Variants in MBNL3 observed in about 807,000 individuals in gnomAD.
MBNL3 encodes muscleblind-like protein 3.
Under a neutral mutation model 24.5 loss-of-function variants are expected in MBNL3, and 6 were observed. The ratio of observed to expected loss-of-function variants is 0.25; its 90% CI spans 0.13 to 0.48. The LOEUF is 0.48. MBNL3 is among the 20% of genes least tolerant of loss of function. The pLI is 0.99. For synonymous variants in MBNL3, 100 were observed against 101.7 expected, an observed-to-expected ratio of 0.98 and a Z score of 0.10; for missense variants, 230 against 293.5, an observed-to-expected ratio of 0.78 and a Z score of 1.58.
chrX:132,440,834 T>A (rs762953130), intron 1 of MBNL3, among the ~76,000 whole-genome samples: 1 of 112,889 alleles, frequency 8.9e-6, no homozygotes, highest in South Asian at 3.6e-4. Context: ...AAAGGTTAAT[T>A]TATTGGCATA....
chrX:132,444,107 G>A (rs1945565941), intron 1 of MBNL3, among the ~76,000 whole-genome samples: 1 of 106,706 alleles, frequency 9.4e-6, no homozygotes, highest in Admixed American at 1.0e-4. Context: ...TCCCTTATTA[G>A]ATTTAAACTG....
intron 3 of MBNL3, 95 bp from the exon 4 acceptor site, chrX:132,392,429 A>G: frequency 1.5e-6 from 1 of 672,365 alleles, no homozygotes; most frequent in Non-Finnish European, 2.1e-6. Context: ...AAAATTACTT[A>G]TGCCACATCA....
In MBNL3 at chrX:132,406,281, T is replaced by A; in HGVS notation, c.289A>T (p.Met97Leu). 1 of 1,211,893 alleles carries A rather than the reference T, an allele frequency of 8.3e-7. No individual in the cohort carries two copies. Residue 97 changes from methionine to leucine, a missense_variant, in exon 3 of 9, where the codon ATG (methionine) becomes TTG (leucine). By Grantham distance (15) the Met-to-Leu change is conservative (BLOSUM62 2). Coordinates refer to ENST00000370853, the MANE Select transcript of MBNL3 (RefSeq NM_001386889.1). Reference sequence around the variant, plus strand: ...ATAAGCTGCATCTGCTGGGCGAACATGGCTGCGGCAGTCTTCTGTTGAATC... The same window carrying A: ...ATAAGCTGCATCTGCTGGGCGAACAAGGCTGCGGCAGTCTTCTGTTGAATC... ...NLIQQKTAAAMFAQQMQLMLQ... is the reference protein window; with the variant it reads ...NLIQQKTAAALFAQQMQLMLQ...
chrX:132,396,509 T>C (rs1359029396), intron 3 of MBNL3, among the ~76,000 whole-genome samples: 2 of 65,269 alleles, frequency 3.1e-5, no homozygotes, highest in Non-Finnish European at 4.9e-5. Flanking sequence ...CCTATATATA[T>C]TCATATATAT....
intron 5 of MBNL3, among the ~76,000 whole-genome samples, chrX:132,390,261 ACAAC>A (rs1936917180): frequency 1.9e-5 from 1 of 53,284 alleles, no homozygotes; most frequent in African/African-American, 8.3e-5. Context: ...AACAACAACA[ACAAC>A]AAAAAAAAAA....
chrX:132,374,203 G>C lies in MBNL3; in HGVS notation c.*5463C>G, dbSNP rs906284290. 9.0e-6 allele frequency: 1 copy of C among 111,167 alleles called. No individual in the cohort carries two copies. Among genetic ancestry groups the C allele is most frequent in the Admixed American group, 9.5e-5 (1 of 10,472 alleles). 9.2% of individuals were successfully genotyped at this position (111,167 alleles called of 1,213,427 possible). ...GATGAAATCTTATTCTATCATAACG[G>C]TAATATCTATCTTGTAATACATGAG... On this transcript the variant is annotated 3_prime_UTR_variant, in exon 9 of 9. Coordinates refer to ENST00000370853, the MANE Select transcript of MBNL3 (RefSeq NM_001386889.1).
In MBNL3 at chrX:132,371,229, C is replaced by T. The variant is rs753559167; in HGVS notation, c.*8437G>A. On this transcript the variant is annotated 3_prime_UTR_variant, in exon 9 of 9. Coordinates refer to ENST00000370853, the MANE Select transcript of MBNL3 (RefSeq NM_001386889.1). ...ACACTTGACAAGGACCCAACCTCCT[C>T]CCCGACCCTCTTCACTGTTAAGAGA... The T allele has an allele frequency of 7.2e-5, 8 of 110,611 alleles. No individual in the cohort carries two copies. Among genetic ancestry groups the T allele is most frequent in the African/African-American group, 2.3e-4 (7 of 30,388 alleles). 9.1% of individuals were successfully genotyped at this position (110,611 alleles called of 1,213,427 possible).
rs1944467151 is a variant in MBNL3 at position 132,428,299 on chromosome X, C to T, written c.177+11136G>A. On this transcript the variant is annotated intron_variant, in intron 2 of 8. Transcript: ENST00000370853. ...GATACAACATGGTTCAATCCAAATA[C>T]TGGAGATCATTTAGAAAATAAAAGG... Among the ~76,000 whole-genome samples the T allele has an allele frequency of 4.5e-5, 5 of 110,576 alleles. No homozygotes were observed. The Admixed American group carries it at 4.8e-4, about 11-fold the overall frequency.
intron 2 of MBNL3, among the ~76,000 whole-genome samples, chrX:132,410,758 C>G (rs1942609505): frequency 1.8e-5 from 2 of 112,273 alleles, no homozygotes; most frequent in South Asian, 7.5e-4. Flanking sequence ...ACAGTGATTT[C>G]AGAATTACAA....
intron 2 of MBNL3, chrX:132,413,500 C>T: frequency 8.6e-7 from 1 of 1,165,734 alleles, no homozygotes; most frequent in Middle Eastern, 2.3e-4. Flanking sequence ...TTCTTAGAAG[C>T]CCTCTCCATG....
intron 3 of MBNL3, among the ~76,000 whole-genome samples, chrX:132,396,773 C>CAT (rs1240269656): frequency 4.6e-3 from 3 of 649 alleles, no homozygotes; most frequent in Non-Finnish European, 7.6e-3. Flanking sequence ...TTCATATATA[C>CAT]ATATATATAT....
intron 2 of MBNL3, among the ~76,000 whole-genome samples, chrX:132,435,220 T>C (rs1945052318): frequency 9.0e-6 from 1 of 111,606 alleles, no homozygotes; most frequent in Non-Finnish European, 1.9e-5. Flanking sequence ...AAAGAGGTTT[T>C]TGAAATGTCC....
rs185731987 is a variant in MBNL3 at position 132,374,494 on chromosome X, A to G, written c.*5172T>C. The G allele has an allele frequency of 2.3e-4, 26 of 111,872 alleles. No individual in the cohort carries two copies. Among genetic ancestry groups the G allele is most frequent in the African/African-American group, 8.4e-4 (26 of 30,883 alleles). 9.2% of individuals were successfully genotyped at this position (111,872 alleles called of 1,213,427 possible). A position where few individuals can be genotyped will look rare whatever the true frequency, so the allele number is the denominator to read the frequency against. On this transcript the variant is annotated 3_prime_UTR_variant, in exon 9 of 9. Coordinates refer to ENST00000370853, the MANE Select transcript of MBNL3 (RefSeq NM_001386889.1). ...AAACTAGAAAGCCTCCGTAACAGCAAAGCAACATTATGCTTTAGTTAAGTC... is the reference window on the plus strand; with the variant it reads ...AAACTAGAAAGCCTCCGTAACAGCAGAGCAACATTATGCTTTAGTTAAGTC...
chrX:132,422,244 C>A (rs900874112), intron 2 of MBNL3, among the ~76,000 whole-genome samples: 1 of 110,447 alleles, frequency 9.1e-6, no homozygotes, highest in African/African-American at 3.3e-5. Context: ...TACAATACGC[C>A]TTTCAGGGTA....
intron 2 of MBNL3, among the ~76,000 whole-genome samples, chrX:132,418,757 TTTTG>T (rs769638256): frequency 4.3e-4 from 48 of 112,061 alleles, no homozygotes; most frequent in African/African-American, 1.3e-3. Context: ...ATGTGTTTGT[TTTTG>T]TTTGTTTGTT....
intron 1 of MBNL3, among the ~76,000 whole-genome samples, chrX:132,474,996 C>A (rs1222445742): frequency 1.8e-5 from 2 of 111,255 alleles, no homozygotes; most frequent in African/African-American, 6.5e-5. Context: ...TAGAGACTTT[C>A]TTTGCCCTTT....
intron 2 of MBNL3, among the ~76,000 whole-genome samples, chrX:132,414,935 T>C (rs1247204039): frequency 8.9e-6 from 1 of 111,748 alleles, no homozygotes; most frequent in Admixed American, 9.5e-5. Context: ...GATATTTTCC[T>C]ATGATTGCAA....
rs1002128892 is a variant in MBNL3 at position 132,442,209 on chromosome X, C to T, written c.-703-1895G>A. On this transcript the variant is annotated intron_variant, in intron 1 of 8. Coordinates refer to ENST00000370853, the MANE Select transcript of MBNL3 (RefSeq NM_001386889.1). ...TGCATGATTTTTGAAATACCATAAC[C>T]CAGTCACTGAATTGTACACTTTAAA... Among the ~76,000 whole-genome samples, 5 of 111,170 alleles carry T rather than the reference C, an allele frequency of 4.5e-5. No homozygotes were observed. The Admixed American group carries it at 4.8e-4, about 11-fold the overall frequency.
chrX:132,399,805 A>T (rs1385931188), intron 3 of MBNL3, among the ~76,000 whole-genome samples: 29 of 77,663 alleles, frequency 3.7e-4, no homozygotes, highest in African/African-American at 1.3e-3. Context: ...ACCTGCAGGT[A>T]AAAAAAAAAA....
Sources: allele counts gnomAD v4.1 joint callset (sites outside exome capture counted in the v4.1 genomes callset), GRCh38; gene constraint gnomAD v4.1.1; transcripts MANE v1.5; gene names NCBI Gene and HGNC (gene_info 2026-07-23, HGNC 2026-07-21).